INTS5: variants seen among roughly 807,000 people sequenced by gnomAD.
INTS5 encodes the protein integrator complex subunit 5.
A neutral mutation model predicts 60.0 loss-of-function variants in INTS5; 29 were observed. The ratio of observed to expected loss-of-function variants is 0.48; its 90% CI spans 0.36 to 0.66. INTS5 has a LOEUF of 0.66. Ranked by LOEUF, INTS5 falls within the 30% of genes least tolerant of loss-of-function variation. INTS5 has a pLI of 0.00. For missense variants in INTS5, 1,129 were observed against 1,307.9 expected (o/e 0.86, Z 2.11); for synonymous variants, 588 against 558.8 (o/e 1.05, Z -0.74).
chr11:62,648,408 G>C lies in INTS5; in HGVS notation c.1672C>G (p.Leu558Val), dbSNP rs745541728. Residue 558 changes from leucine to valine, a missense_variant, in exon 2 of 2, where the codon CTG (leucine) becomes GTG (valine). By Grantham distance (32) the Leu-to-Val change is conservative. Coordinates refer to ENST00000330574, the MANE Select transcript of INTS5 (RefSeq NM_030628.2). This position sits in a 1 kb window ranked among gnomAD's most constrained non-coding sequence, Gnocchi z 4.4. ...AATGTCCCTGCATGCACCCGAGCCA[G>C]ACAGCTTCGGAAAGCCAGGGGCAGG... is the stretch of plus-strand genomic sequence containing the variant. ...GLLPLAFRSC[L>V]ARVHAGTLQP... The C allele has an allele frequency of 1.9e-6, 3 of 1,614,214 alleles. No homozygotes were observed. Among genetic ancestry groups the C allele is most frequent in the Non-Finnish European group, 2.5e-6 (3 of 1,180,032 alleles).
At chr11:62,652,481 C>G (rs1944603854) in intron 1 of INTS5, among the ~76,000 whole-genome samples, 1 of 151,940 alleles carries the variant, frequency 6.6e-6, no homozygotes, top group South Asian at 2.1e-4. Context: ...CTGTTTCTTC[C>G]CATATTCTGC....
At position 62,649,798 on chromosome 11, in the gene INTS5, T is replaced by C; in HGVS notation, c.282A>G (p.Glu94=). The change falls in exon 2 of 2, where the codon GAA becomes GAG. Residue 94 remains glutamate (E), a synonymous_variant. Transcript: ENST00000330574. This position sits in a 1 kb window ranked among gnomAD's most constrained non-coding sequence, Gnocchi z 6.0. ...SVRAHLAALD[E]TPVAGPPHLR... is the part of the protein sequence containing the mutation. ...GGTGAGGTGGACCAGCCACAGGGGT[T>C]TCATCCAGGGCAGCCAGGTGGGCCC... 1 of 1,613,812 alleles carries C rather than the reference T, an allele frequency of 6.2e-7. No homozygotes were observed. The highest frequency in any genetic ancestry group is 8.5e-7 in the Non-Finnish European group (1 of 1,179,760).
In INTS5 at chr11:62,653,209, G is replaced by T; in HGVS notation, c.41C>A (p.Pro14His). ...LCDPPGAPGP[P>H]GPAPATHGPA... ...ACCGTGGGTGGCCGGGGCAGGCCCAGGTGGCCCTGGGGCCCCGGGAGGGTC... is the reference window on the plus strand; with the variant it reads ...ACCGTGGGTGGCCGGGGCAGGCCCATGTGGCCCTGGGGCCCCGGGAGGGTC... Residue 14 changes from proline (P) to histidine (H), a missense_variant, in exon 1 of 2, where the codon CCT becomes CAT. Physicochemically the swap from Pro to His is moderately conservative, Grantham distance 77. Coordinates refer to ENST00000330574, the MANE Select transcript of INTS5 (RefSeq NM_030628.2). 8.0e-7 allele frequency: 1 copy of T among 1,247,244 alleles called. No individual in the cohort carries two copies. Among genetic ancestry groups the T allele is most frequent in the South Asian group, 4.1e-5 (1 of 24,384 alleles). The allele number at this position is 1,247,244 out of a possible 1,614,324, so 77.3% of individuals were successfully genotyped here.
chr11:62,650,376 A>G (rs1034206954), intron 1 of INTS5, among the ~76,000 whole-genome samples: 4 of 151,576 alleles, frequency 2.6e-5, no homozygotes, highest in African/African-American at 9.7e-5. Flanking sequence ...TCGGCCTCCA[A>G]AAGTGTTGGG....
At position 62,650,077 on chromosome 11, in the gene INTS5, C is replaced by CT. The variant is rs1944582181; in HGVS notation, c.81-79dup. 25 of 1,169,498 alleles carry CT rather than the reference C, an allele frequency of 2.1e-5. 1 individual carries two copies. Among genetic ancestry groups the CT allele is most frequent in the Non-Finnish European group, 3.1e-5 (25 of 818,020 alleles). 72.4% of individuals were successfully genotyped at this position (1,169,498 alleles called of 1,614,324 possible). The stretch of plus-strand genomic sequence containing the variant: ...CTTACCTTTCCTGTATGAGCTTTGC[C>CT]TTTTATGTTAAATAGGGATAATAAA... On this transcript the variant is annotated intron_variant, in intron 1 of 1. Coordinates refer to ENST00000330574, the MANE Select transcript of INTS5 (RefSeq NM_030628.2).
intron 1 of INTS5, among the ~76,000 whole-genome samples, chr11:62,652,167 A>AG (rs1222627232): frequency 5.5e-5 from 8 of 144,662 alleles, no homozygotes; most frequent in Admixed American, 4.7e-4. Flanking sequence ...TAAAAATACA[A>AG]AAAAAAAAAA....
At position 62,647,638 on chromosome 11, in the gene INTS5, C is replaced by T. The variant is rs1346495141; in HGVS notation, c.2442G>A (p.Val814=). The change falls in exon 2 of 2, where the codon GTG becomes GTA. Residue 814 remains valine, a synonymous_variant. Transcript: ENST00000330574. ...LSPEAAKAVA[V]TLVESVCPDA... ...CGGGACACACACTCTCCACCAAGGT[C>T]ACTGCCACTGCTTTGGCTGCCTCTG... is the stretch of plus-strand genomic sequence containing the variant. The T allele has an allele frequency of 3.1e-6, 5 of 1,613,964 alleles. No homozygotes were observed. Among genetic ancestry groups the T allele is most frequent in the Non-Finnish European group, 4.2e-6 (5 of 1,180,054 alleles).
chr11:62,652,507 TACC>T (rs989868336), intron 1 of INTS5, among the ~76,000 whole-genome samples: 4 of 151,888 alleles, frequency 2.6e-5, no homozygotes, highest in African/African-American at 4.8e-5. Flanking sequence ...CTTAGTCACC[TACC>T]ACCACATCAA....
rs1226719616 is a variant in INTS5, at chr11:62,648,999, C to T, written c.1081G>A (p.Asp361Asn). 1 of 1,613,502 alleles carries T rather than the reference C, an allele frequency of 6.2e-7. No homozygotes were observed. The highest frequency in any genetic ancestry group is 1.1e-5 in the South Asian group (1 of 91,062). ...AGCACAGCTGGGGGCTTGAGGCAAT[C>T]CACAAGCTCTCCAGAGACAGTGCCC... ...LLGTVSGELV[D>N]CLKPPAVLSQ... is the part of the protein sequence containing the mutation. The change falls in exon 2 of 2, where the codon GAT becomes AAT. Residue 361 changes from aspartate (D) to asparagine (N), a missense_variant. This residue lies in a region of INTS5 where 1,070 missense variants were observed against 1,246.1 expected (regional missense o/e 0.86). Transcript: ENST00000330574. The surrounding 1 kb of genome is among the most constrained non-coding windows in gnomAD (Gnocchi z 4.4).
rs1207824399 is a variant in INTS5 at position 62,648,535 on chromosome 11, T to C, written c.1545A>G (p.Gly515=). 2 of 1,614,104 alleles carry C rather than the reference T, an allele frequency of 1.2e-6. No individual in the cohort carries two copies. The highest frequency in any genetic ancestry group is 2.7e-5 in the African/African-American group (2 of 75,050). ...TCAGCAGATGGCCCAAGGCCTCAGG[T>C]CCACAGCTAGGCCGGGTATAGACAG... The part of the protein sequence containing the change: ...LLSVYTRPSC[G]PEALGHLLSR... Residue 515 remains glycine (G), a synonymous_variant, in exon 2 of 2, where the codon GGA becomes GGG. Transcript: ENST00000330574. This position sits in a 1 kb window ranked among gnomAD's most constrained non-coding sequence, Gnocchi z 4.4.
rs979469407 is a variant in INTS5, at chr11:62,648,697, C to T, written c.1383G>A (p.Val461=). ...HHRGGSPGEG[V]LGPPPPPRLV... is the part of the protein sequence containing the mutation. ...AGCGGGGAGGTGGGGGCGGGCCTAG[C>T]ACCCCTTCCCCAGGAGACCCTCCCC... The change falls in exon 2 of 2, where the codon GTG becomes GTA. Residue 461 remains valine, a synonymous_variant. Transcript: ENST00000330574. The surrounding 1 kb of genome is among the most constrained non-coding windows in gnomAD (Gnocchi z 4.4). 1.2e-6 allele frequency: 2 copies of T among 1,614,142 alleles called. No individual in the cohort carries two copies. The highest frequency in any genetic ancestry group is 8.5e-7 in the Non-Finnish European group (1 of 1,180,022).
In INTS5 at chr11:62,649,763, G is replaced by T. The variant is rs1366287130; in HGVS notation, c.317C>A (p.Pro106His). 5 of 1,614,202 alleles carry T rather than the reference G, an allele frequency of 3.1e-6. No individual in the cohort carries two copies. The highest frequency in any genetic ancestry group is 4.2e-6 in the Non-Finnish European group (5 of 1,180,034). ...ACCAGCAGGGACATGAGAGGGTGGAGGTGGACGGAGGTGAGGTGGACCAGC... is the reference window on the plus strand; with the variant it reads ...ACCAGCAGGGACATGAGAGGGTGGATGTGGACGGAGGTGAGGTGGACCAGC... ...PVAGPPHLRP[P>H]PPSHVPAGGP... Residue 106 changes from proline (P) to histidine (H), a missense_variant, in exon 2 of 2, where the codon CCT becomes CAT. Physicochemically the swap from Pro to His is moderately conservative, Grantham distance 77. Transcript: ENST00000330574. The surrounding 1 kb of genome is among the most constrained non-coding windows in gnomAD (Gnocchi z 6.0).
Position 62,648,677 on chromosome 11 carries a change from G to T in INTS5, c.1403C>A (p.Pro468His). 2.5e-6 allele frequency: 4 copies of T among 1,614,098 alleles called. No homozygotes were observed. Among genetic ancestry groups the T allele is most frequent in the Non-Finnish European group, 3.4e-6 (4 of 1,179,984 alleles). ...GEGVLGPPPP[P>H]RLVPFLDALK... ...CGCATCTAAAAAGGGCACCAAGCGGGGAGGTGGGGGCGGGCCTAGCACCCC... is the reference window on the plus strand; with the variant it reads ...CGCATCTAAAAAGGGCACCAAGCGGTGAGGTGGGGGCGGGCCTAGCACCCC... Residue 468 changes from proline (P) to histidine (H), a missense_variant, in exon 2 of 2, where the codon CCC (proline) becomes CAC (histidine). Around this residue, in one of 3 missense-constraint regions of INTS5, gnomAD observed 1,070 missense variants for 1,246.1 expected, o/e 0.86. Transcript: ENST00000330574. The surrounding 1 kb of genome is among the most constrained non-coding windows in gnomAD (Gnocchi z 4.4).
Position 62,649,150 on chromosome 11 carries a change from T to A in INTS5, c.930A>T (p.Arg310=). ...HLASRHGDSI[R]RELLRMFHDS... ...CATGGAACATTCGCAGGAGCTCCCG[T>A]CGGATGCTATCTCCGTGGCGGGAGG... Residue 310 remains arginine (R), a synonymous_variant, in exon 2 of 2, where the codon CGA becomes CGT. Transcript: ENST00000330574. This position sits in a 1 kb window ranked among gnomAD's most constrained non-coding sequence, Gnocchi z 6.0. 1 of 1,613,440 alleles carries A rather than the reference T, an allele frequency of 6.2e-7. No homozygotes were observed. Among genetic ancestry groups the A allele is most frequent in the Non-Finnish European group, 8.5e-7 (1 of 1,179,482 alleles).
chr11:62,647,624 C>G lies in INTS5; in HGVS notation c.2456G>C (p.Ser819Thr). Residue 819 changes from serine to threonine, a missense_variant, in exon 2 of 2, where the codon AGT (serine) becomes ACT (threonine). Ser to Thr is a moderately conservative substitution (Grantham distance 58). Transcript: ENST00000330574. ...AKAVAVTLVE[S>T]VCPDAAGAEL... ...TGCACCAGCTGCATCGGGACACACA[C>G]TCTCCACCAAGGTCACTGCCACTGC... 1.9e-6 allele frequency: 3 copies of G among 1,614,066 alleles called. No homozygotes were observed. The highest frequency in any genetic ancestry group is 2.5e-6 in the Non-Finnish European group (3 of 1,180,036).
At chr11:62,650,032 T>A (rs1266910141) in intron 1 of INTS5, 33 bp from the exon 2 acceptor site, 1 of 1,545,888 alleles carries the variant, frequency 6.5e-7, no homozygotes, top group African/African-American at 1.4e-5. Context: ...GACTTAAGAG[T>A]GTTGTGAGAT....
At chr11:62,651,796 A>G (rs1430317527) in intron 1 of INTS5, among the ~76,000 whole-genome samples, 1 of 152,112 alleles carries the variant, frequency 6.6e-6, no homozygotes, top group Non-Finnish European at 1.5e-5. Context: ...CCCTGGAAGC[A>G]GGGCTGCAGT....
chr11:62,650,089 A>C, intron 1 of INTS5, 90 bp from the exon 2 acceptor site: 1 of 1,005,946 alleles, frequency 9.9e-7, no homozygotes, highest in Non-Finnish European at 1.5e-6. Flanking sequence ...TTTATGTTAA[A>C]TAGGGATAAT....
At chr11:62,652,638 G>A (rs1944605199) in intron 1 of INTS5, among the ~76,000 whole-genome samples, 1 of 152,122 alleles carries the variant, frequency 6.6e-6, no homozygotes, top group Admixed American at 6.6e-5. Flanking sequence ...CAGTCTCAGA[G>A]GTTCAGAAGC....
Sources: gnomAD v4.1 joint callset for allele counts (sites outside exome capture counted in the v4.1 genomes callset) on GRCh38, gnomAD v4.1.1 for gene constraint, gnomAD v4.1.1 regional missense constraint, Gnocchi (gnomAD v3.1) non-coding constraint, MANE v1.5 for transcripts, NCBI Gene and HGNC (gene_info 2026-07-23, HGNC 2026-07-21) for gene names.